Variants in HERC1 observed in about 807,000 individuals in gnomAD.
HERC1 encodes the protein probable E3 ubiquitin-protein ligase HERC1.
A neutral mutation model predicts 554.3 loss-of-function variants in HERC1; 160 were observed. The ratio of observed to expected loss-of-function variants is 0.29; its 90% CI spans 0.25 to 0.33. The LOEUF is 0.33. Among genes scored for constraint, HERC1 ranks in the 10% least tolerant of loss-of-function variants. The pLI is 1.00. For missense variants in HERC1, 4,919 were observed against 5,918.5 expected (o/e 0.83, Z 5.54); for synonymous variants, 2,175 against 2,131.7 (o/e 1.02, Z -0.56).
At chr15:63,754,791 T>C (rs1392404323) in intron 6 of HERC1, 143 bp from the exon 7 acceptor site, 3 of 819,720 alleles carry the variant, frequency 3.7e-6, no homozygotes, top group Non-Finnish European at 5.6e-6. Flanking sequence ...AACACAATCA[T>C]TTCTAACATC....
rs561196356 is a variant in HERC1, at chr15:63,673,256, A to G, written c.7847-562T>C. ...GTTAAGGAATCCTACAAATAAACATAACTAAAATATGAGTTGCTACAAAGA... is the reference window on the plus strand; with the variant it reads ...GTTAAGGAATCCTACAAATAAACATGACTAAAATATGAGTTGCTACAAAGA... On this transcript the variant is annotated intron_variant, in intron 38 of 77. Transcript: ENST00000443617. Among the ~76,000 whole-genome samples the G allele has an allele frequency of 4.6e-5, 7 of 152,232 alleles. No homozygotes were observed. In the East Asian group the frequency reaches 1.3e-3, roughly 29 times the overall value.
chr15:63,795,534 A>T (rs908510820), intron 1 of HERC1, among the ~76,000 whole-genome samples: 7 of 152,274 alleles, frequency 4.6e-5, no homozygotes, highest in African/African-American at 1.7e-4. Context: ...CTGATACAAA[A>T]GGTTCCTATT....
intron 68 of HERC1, 191 bp from the exon 69 acceptor site, chr15:63,630,826 C>A: frequency 2.0e-6 from 1 of 497,616 alleles, no homozygotes; most frequent in Admixed American, 3.8e-5. Context: ...GAAGCTGTTT[C>A]TCTGCAAAAC....
At chr15:63,630,768 G>T in intron 68 of HERC1, 133 bp from the exon 69 acceptor site, 1 of 813,328 alleles carries the variant, frequency 1.2e-6, no homozygotes, top group Admixed American at 3.3e-5. Flanking sequence ...TGAGGCTAAA[G>T]CTGCTATTCT....
Position 63,718,947 on chromosome 15 carries a change from TCA to T in HERC1, c.3743-52_3743-51del. ...CATTTAAAAGGGCTCAGAAAACAGTTCAGAGGTAATTTTTATAGCTTTAGTCA... is the reference window on the plus strand; with the variant it reads ...CATTTAAAAGGGCTCAGAAAACAGTTGAGGTAATTTTTATAGCTTTAGTCA... On this transcript the variant is annotated intron_variant, in intron 19 of 77. Coordinates refer to ENST00000443617, the MANE Select transcript of HERC1 (RefSeq NM_003922.4). This position sits in a 1 kb window ranked among gnomAD's most constrained non-coding sequence, Gnocchi z 4.2. 7.7e-7 allele frequency: 1 copy of T among 1,299,576 alleles called. No homozygotes were observed. Among genetic ancestry groups the T allele is most frequent in the Non-Finnish European group, 1.1e-6 (1 of 919,844 alleles). The allele number at this position is 1,299,576 out of a possible 1,614,324, so 80.5% of individuals were successfully genotyped here. A position where few individuals can be genotyped will look rare whatever the true frequency, so the allele number is the denominator to read the frequency against.
chr15:63,769,655 A>C (rs2075889998), intron 2 of HERC1, among the ~76,000 whole-genome samples: 1 of 152,004 alleles, frequency 6.6e-6, no homozygotes, highest in Non-Finnish European at 1.5e-5. Flanking sequence ...GGAGTTCGAG[A>C]CCAGCCTGGC....
chr15:63,831,164 T>C (rs1326768225), intron 1 of HERC1, among the ~76,000 whole-genome samples: 2 of 152,092 alleles, frequency 1.3e-5, no homozygotes, highest in African/African-American at 2.4e-5. Context: ...TGGAGTAGAG[T>C]GGTGCAATCA....
intron 13 of HERC1, among the ~76,000 whole-genome samples, chr15:63,733,578 C>T (rs756443988): frequency 2.6e-5 from 4 of 152,168 alleles, no homozygotes; most frequent in Admixed American, 6.5e-5. Flanking sequence ...GTAGGCTGGG[C>T]GCAGTGGCTC....
intron 1 of HERC1, among the ~76,000 whole-genome samples, chr15:63,796,938 C>T (rs188935928): frequency 1.6e-4 from 24 of 152,128 alleles, no homozygotes; most frequent in African/African-American, 5.5e-4. Context: ...TCAGTAATTC[C>T]AAAAGAGAGG....
intron 1 of HERC1, among the ~76,000 whole-genome samples, chr15:63,812,423 T>C (rs1348880521): frequency 1.3e-5 from 2 of 152,228 alleles, no homozygotes; most frequent in African/African-American, 4.8e-5. Context: ...GAAATGTGTA[T>C]GGGCTTACTT....
At chr15:63,765,780 T>C (rs2075757084) in intron 2 of HERC1, among the ~76,000 whole-genome samples, 1 of 152,166 alleles carries the variant, frequency 6.6e-6, no homozygotes, top group Admixed American at 6.5e-5. Context: ...AAGCAAGCTG[T>C]ACCCCAACTG....
chr15:63,715,484 T>C (rs564511211), intron 22 of HERC1, among the ~76,000 whole-genome samples: 61 of 152,330 alleles, frequency 4.0e-4, no homozygotes, highest in African/African-American at 1.2e-3. Context: ...TTTGGATCTT[T>C]TTCCTTTTGT....
rs759954500 is a variant in HERC1, at chr15:63,718,687, G to A, written c.3865C>T (p.Pro1289Ser). The A allele has an allele frequency of 6.2e-7, 1 of 1,602,250 alleles. No homozygotes were observed. The highest frequency in any genetic ancestry group is 8.5e-7 in the Non-Finnish European group (1 of 1,171,860). The change falls in exon 21 of 78, where the codon CCT becomes TCT. Residue 1289 changes from proline (P) to serine (S), a missense_variant. Physicochemically the swap from Pro to Ser is moderately conservative, Grantham distance 74 (BLOSUM62 -1). Coordinates refer to ENST00000443617, the MANE Select transcript of HERC1 (RefSeq NM_003922.4). The surrounding 1 kb of genome is among the most constrained non-coding windows in gnomAD (Gnocchi z 4.2). ...TACACTTCTGATAAGTGTTTACCAG[G>A]TTGATATCTAAATGAAGAACCAAAA... ...SQACGESRYQ[P>S]GKHLSEVYRC...
At position 63,696,389 on chromosome 15, in the gene HERC1, T is replaced by C. The variant is rs750637455; in HGVS notation, c.4906-50A>G. 3.0e-6 allele frequency: 4 copies of C among 1,325,346 alleles called. No individual in the cohort carries two copies. In the South Asian group the frequency reaches 5.0e-5, roughly 17 times the overall value. The allele number at this position is 1,325,346 out of a possible 1,614,324, so 82.1% of individuals were successfully genotyped here. A position where few individuals can be genotyped will look rare whatever the true frequency, so the allele number is the denominator to read the frequency against. On this transcript the variant is annotated intron_variant, in intron 26 of 77. Transcript: ENST00000443617. ...AGTTCTTCACTTAACTCAGACATGA[T>C]GAAACTCTGTATGCCAAAAACAGTA...
In HERC1 at chr15:63,756,318, G is replaced by C. The variant is rs990462342; in HGVS notation, c.1533+119C>G. On this transcript the variant is annotated intron_variant, in intron 5 of 77. Coordinates refer to ENST00000443617, the MANE Select transcript of HERC1 (RefSeq NM_003922.4). The surrounding 1 kb of genome is among the most constrained non-coding windows in gnomAD (Gnocchi z 5.0). ...TAAACTGTAAAGCAGAGATACAAAA[G>C]ATTAAGCCAAAGGGTTGAAGGGGCA... 3 of 763,490 alleles carry C rather than the reference G, an allele frequency of 3.9e-6. No individual in the cohort carries two copies. The African/African-American group carries it at 5.2e-5, about 13-fold the overall frequency. The allele number at this position is 763,490 out of a possible 1,614,324, so 47.3% of individuals were successfully genotyped here. A position where few individuals can be genotyped will look rare whatever the true frequency, so the allele number is the denominator to read the frequency against.
chr15:63,681,175 ATTGTT>A (rs144166394), intron 34 of HERC1, among the ~76,000 whole-genome samples: 21,855 of 151,880 alleles, frequency 0.14, 2,029 homozygotes, highest in Middle Eastern at 0.21. Context: ...GACTAGGTGT[ATTGTT>A]TTGTTTTGTT....
At chr15:63,716,993 T>C (rs2073584526) in intron 21 of HERC1, among the ~76,000 whole-genome samples, 1 of 152,196 alleles carries the variant, frequency 6.6e-6, no homozygotes, top group Non-Finnish European at 1.5e-5. Context: ...TTAACTTGAT[T>C]TCCCACAGTG....
intron 12 of HERC1, among the ~76,000 whole-genome samples, chr15:63,740,088 T>C (rs2074734103): frequency 6.6e-6 from 1 of 152,050 alleles, no homozygotes; most frequent in Admixed American, 6.6e-5. Context: ...TTTTTGTATT[T>C]TTAGTAGAGA....
At chr15:63,721,342 T>C (rs2073810881) in intron 19 of HERC1, among the ~76,000 whole-genome samples, 1 of 152,030 alleles carries the variant, frequency 6.6e-6, no homozygotes, top group South Asian at 2.1e-4. Context: ...ATGGCCAACA[T>C]GGCATAAACC....
Sources: allele counts gnomAD v4.1 joint callset (sites outside exome capture counted in the v4.1 genomes callset), GRCh38; gene constraint gnomAD v4.1.1; non-coding constraint Gnocchi (gnomAD v3.1); transcripts MANE v1.5; gene names NCBI Gene and HGNC (gene_info 2026-07-23, HGNC 2026-07-21).